The following NEB variants were observed in gnomAD, a reference collection of about 807,000 sequenced individuals.
NEB encodes nemaline myopathy type 2.
A neutral mutation model predicts 952.2 loss-of-function variants in NEB; 512 were observed. The ratio of observed to expected loss-of-function variants is 0.54; its 90% CI spans 0.50 to 0.58. The LOEUF is 0.58. Among genes scored for constraint, NEB ranks in the 20% least tolerant of loss-of-function variants. The pLI, the probability that NEB is intolerant of heterozygous loss-of-function variation, is 0.00. For synonymous variants in NEB, 2,900 were observed against 3,149.8 expected, an observed-to-expected ratio of 0.92 and a Z score of 2.66; for missense variants, 8,428 against 9,231.1, an observed-to-expected ratio of 0.91 and a Z score of 3.56.
intron 20 of NEB, 73 bp downstream of exon 20, chr2:151,694,249 TC>T: frequency 8.1e-7 from 1 of 1,237,358 alleles, no homozygotes; most frequent in Non-Finnish European, 1.2e-6. Context: ...TAGGCTAACG[TC>T]CATCCAAGGT....
At chr2:151,680,586 T>G (rs1356067102) in intron 30 of NEB, 144 bp downstream of exon 30, 6 of 579,840 alleles carry the variant, frequency 1.0e-5, no homozygotes, top group Admixed American at 3.1e-5. Context: ...GCTTTATTAA[T>G]GAACAGCTGG....
chr2:151,641,594 G>A (rs2098848273), intron 60 of NEB, among the ~76,000 whole-genome samples: 1 of 152,148 alleles, frequency 6.6e-6, no homozygotes, highest in African/African-American at 2.4e-5. Context: ...ACCTCCCAAA[G>A]CACTGGGATT....
In NEB at chr2:151,503,455, T is replaced by C; in HGVS notation, c.23743-14A>G. 1 of 1,546,152 alleles carries C rather than the reference T, an allele frequency of 6.5e-7. No homozygotes were observed. Reference sequence around the variant, plus strand: ...TTTGTACATAACCTGTAGAAAATAATTAGAATACCCAGAAAGGTAAAATGA... The same window carrying C: ...TTTGTACATAACCTGTAGAAAATAACTAGAATACCCAGAAAGGTAAAATGA... On this transcript the variant is annotated splice_polypyrimidine_tract_variant and intron_variant, in intron 165 of 181. Transcript: ENST00000397345.
intron 49 of NEB, 21 bp downstream of exon 49, chr2:151,656,132 C>T: frequency 6.4e-7 from 1 of 1,574,780 alleles, no homozygotes. Context: ...CAACCATCAC[C>T]CAAGTAGAAG....
chr2:151,667,494 G>T (rs1011041480), intron 40 of NEB, among the ~76,000 whole-genome samples: 4 of 151,862 alleles, frequency 2.6e-5, no homozygotes, highest in African/African-American at 7.2e-5. Context: ...TTCTTTACTT[G>T]CTTCTTTATG....
intron 27 of NEB, among the ~76,000 whole-genome samples, chr2:151,686,396 G>C (rs1474494183): frequency 6.6e-6 from 1 of 152,066 alleles, no homozygotes; most frequent in African/African-American, 2.4e-5. Context: ...CCTACTGCTG[G>C]GTTCTGTGAT....
chr2:151,503,482 C>A (rs778721485), intron 165 of NEB, 41 bp from the exon 166 acceptor site: 1 of 1,397,588 alleles, frequency 7.2e-7, no homozygotes, highest in Non-Finnish European at 1.0e-6. Context: ...GTAAAATGAC[C>A]GTAAATCCTT....
At chr2:151,629,024 C>T (rs2154066580) in intron 68 of NEB, among the ~76,000 whole-genome samples, 1 of 152,230 alleles carries the variant, frequency 6.6e-6, no homozygotes, top group South Asian at 2.1e-4. Context: ...CTTTGTCTTT[C>T]TGTTTTCATT....
At chr2:151,614,952 C>A (rs1323796459) in intron 76 of NEB, among the ~76,000 whole-genome samples, 2 of 151,968 alleles carry the variant, frequency 1.3e-5, no homozygotes, top group African/African-American at 4.8e-5. Context: ...GTTATTTTCC[C>A]AAAACTGTTT....
In NEB at chr2:151,689,977, T is replaced by TG. The variant is rs530690335; in HGVS notation, c.2310+749_2310+750insC. 184 of 152,362 alleles carry TG rather than the reference T, an allele frequency of 1.2e-3. 1 individual carries two copies. The highest frequency in any genetic ancestry group is 3.9e-3 in the African/African-American group (162 of 41,592). 9.4% of individuals were successfully genotyped at this position (152,362 alleles called of 1,614,324 possible). ...TCACTTACCTATCTTGAGAAGGATG[T>TG]ACTACTCTCTAGGACTTAGCTATGT... On this transcript the variant is annotated intron_variant, in intron 24 of 181. Transcript: ENST00000397345.
At chr2:151,646,510 T>C (rs2098960305) in intron 54 of NEB, among the ~76,000 whole-genome samples, 1 of 152,212 alleles carries the variant, frequency 6.6e-6, no homozygotes, top group South Asian at 2.1e-4. Context: ...GCCAATATTA[T>C]CAAATGAAAC....
In NEB at chr2:151,678,117, G is replaced by C. The variant is rs1354971771; in HGVS notation, c.3326C>G (p.Pro1109Arg). ...MVGFQSLQDD[P>R]KLVHYMNVAK... ...CACGTTCATATAATGAACCAGTTTA[G>C]GGTCATCTTGAAGACTTTGGAAGCC... The change falls in exon 33 of 182, where the codon CCT becomes CGT. Residue 1109 changes from proline (P) to arginine (R), a missense_variant. This residue lies in a region of NEB where 2,851 missense variants were observed against 2,791.5 expected (regional missense o/e 1.02). Transcript: ENST00000397345. 1 of 1,613,510 alleles carries C rather than the reference G, an allele frequency of 6.2e-7. No individual in the cohort carries two copies. Among genetic ancestry groups the C allele is most frequent in the Non-Finnish European group, 8.5e-7 (1 of 1,179,662 alleles).
intron 13 of NEB, among the ~76,000 whole-genome samples, chr2:151,704,172 G>GGGGGTCA (rs1185962491): frequency 5.3e-5 from 2 of 37,774 alleles, no homozygotes. Context: ...TAGGCTGCTC[G>GGGGGTCA]GGGGTCAGGG....
At chr2:151,696,332 A>G (rs1363799247) in intron 17 of NEB, among the ~76,000 whole-genome samples, 1 of 152,200 alleles carries the variant, frequency 6.6e-6, no homozygotes, top group African/African-American at 2.4e-5. Flanking sequence ...AGGGGGGTTA[A>G]ATCTTTGGCC....
chr2:151,553,643 C>A (rs1279087317), intron 126 of NEB, 141 bp from the exon 127 acceptor site: 14 of 852,592 alleles, frequency 1.6e-5, no homozygotes, highest in Non-Finnish European at 2.4e-5. Flanking sequence ...TCAGGGGAGC[C>A]ACAGAAACAT....
chr2:151,516,597 T>C (rs745903486), intron 156 of NEB, 34 bp from the exon 157 acceptor site: 7 of 1,354,458 alleles, frequency 5.2e-6, no homozygotes, highest in Non-Finnish European at 6.3e-6. Flanking sequence ...ATATCTCTCC[T>C]CTGGTCAATT....
At position 151,568,149 on chromosome 2, in the gene NEB, T is replaced by C; in HGVS notation, c.17766A>G (p.Gln5922=). 4.3e-6 allele frequency: 7 copies of C among 1,613,634 alleles called. No individual in the cohort carries two copies. The highest frequency in any genetic ancestry group is 5.9e-6 in the Non-Finnish European group (7 of 1,179,778). Residue 5922 remains glutamine (Q), a synonymous_variant, in exon 113 of 182, where the codon CAA becomes CAG. Transcript: ENST00000397345. ...GAGGCAAAATGTAACCTGTGGCTTT[T>C]TGTCTCTCCCAGCCTTCCTTGTAGA... ...QYLYKEGWER[Q]KATGYILPPD...
chr2:151,639,805 T>G (rs1454546907), intron 62 of NEB, 52 bp downstream of exon 62: 9 of 1,444,114 alleles, frequency 6.2e-6, no homozygotes, highest in Non-Finnish European at 8.5e-6. Context: ...GTTTCTTTTT[T>G]GTTGATTCAG....
intron 18 of NEB, 101 bp downstream of exon 18, chr2:151,695,477 A>AT: frequency 1.2e-6 from 1 of 833,512 alleles, no homozygotes; most frequent in Non-Finnish European, 1.9e-6. Flanking sequence ...AGTTCTTCTC[A>AT]TTTTTAACAT....
Sources: gnomAD v4.1 joint callset for allele counts (sites outside exome capture counted in the v4.1 genomes callset) on GRCh38, gnomAD v4.1.1 for gene constraint, gnomAD v4.1.1 regional missense constraint, MANE v1.5 for transcripts, NCBI Gene and HGNC (gene_info 2026-07-23, HGNC 2026-07-21) for gene names.